NREP: variants seen among roughly 807,000 people sequenced by gnomAD.
NREP encodes the protein neuronal regeneration related protein.
A neutral mutation model predicts 8.6 loss-of-function variants in NREP; 5 were observed. That is an observed-to-expected ratio of 0.58 (90% confidence interval 0.30 to 1.22). The LOEUF (loss-of-function observed/expected upper bound fraction) is 1.22. NREP is among the 50% of genes most tolerant of loss of function. NREP has a pLI of 0.07. For synonymous variants in NREP, 27 were observed against 28.0 expected (o/e 0.96, Z 0.11); for missense variants, 86 against 82.5 (o/e 1.04, Z -0.17).
chr5:111,938,481 A>C (rs1186263053), intron 2 of NREP, among the ~76,000 whole-genome samples: 1 of 152,082 alleles, frequency 6.6e-6, no homozygotes, highest in Non-Finnish European at 1.5e-5. Context: ...CTAAAATTTC[A>C]AGATTCATTT....
chr5:111,779,945 A>T (rs557803460), intron 2 of NREP, among the ~76,000 whole-genome samples: 3 of 152,160 alleles, frequency 2.0e-5, no homozygotes, highest in African/African-American at 7.2e-5. Context: ...GCATATTCAT[A>T]ATGTCTGAGG....
chr5:111,839,080 G>C (rs986753294), intron 2 of NREP, among the ~76,000 whole-genome samples: 23 of 152,046 alleles, frequency 1.5e-4, no homozygotes, highest in Non-Finnish European at 2.8e-4. Flanking sequence ...AAATATACAT[G>C]AAATCATAAC....
At chr5:111,813,996 A>C (rs1752327106) in intron 2 of NREP, among the ~76,000 whole-genome samples, 1 of 151,990 alleles carries the variant, frequency 6.6e-6, no homozygotes, top group Admixed American at 6.6e-5. Flanking sequence ...TTTTCTTATG[A>C]AAATTATTTT....
At chr5:111,798,845 G>T (rs1751935281) in intron 2 of NREP, among the ~76,000 whole-genome samples, 1 of 150,880 alleles carries the variant, frequency 6.6e-6, no homozygotes, top group East Asian at 2.0e-4. Context: ...ATTTAAGCTG[G>T]TTCCATATTT....
chr5:111,927,471 G>A (rs566141018), intron 2 of NREP, among the ~76,000 whole-genome samples: 1 of 152,238 alleles, frequency 6.6e-6, no homozygotes, highest in South Asian at 2.1e-4. Flanking sequence ...GACATGGTGT[G>A]AAAGGAAAGG....
intron 2 of NREP, among the ~76,000 whole-genome samples, chr5:111,879,318 G>A (rs929513596): frequency 1.3e-5 from 2 of 152,130 alleles, no homozygotes; most frequent in Non-Finnish European, 1.5e-5. Context: ...AAAAATGGAC[G>A]AACACAGTGT....
Position 111,730,894 on chromosome 5 carries a change from T to C in NREP, c.*27A>G. On this transcript the variant is annotated 3_prime_UTR_variant, in exon 4 of 4. Transcript: ENST00000257435. ...TGACCTCATCAATACCCATACACCA[T>C]ATGTAATACAAATGGAGGTGTTACG... 6.2e-7 allele frequency: 1 copy of C among 1,613,182 alleles called. No homozygotes were observed. Among genetic ancestry groups the C allele is most frequent in the Non-Finnish European group, 8.5e-7 (1 of 1,179,470 alleles).
At chr5:111,879,184 C>A (rs572696430) in intron 2 of NREP, among the ~76,000 whole-genome samples, 40 of 152,324 alleles carry the variant, frequency 2.6e-4, no homozygotes, top group South Asian at 6.2e-4. Context: ...CTGGCTCCCC[C>A]CTTTTGCCTA....
chr5:111,783,778 C>G (rs1751548177), intron 2 of NREP, among the ~76,000 whole-genome samples: 1 of 152,164 alleles, frequency 6.6e-6, no homozygotes, highest in Non-Finnish European at 1.5e-5. Flanking sequence ...TTGTAAATAT[C>G]TGTCTGCCTT....
intron 2 of NREP, among the ~76,000 whole-genome samples, chr5:111,776,978 T>C (rs1210844350): frequency 1.0e-5 from 1 of 97,708 alleles, no homozygotes; most frequent in Non-Finnish European, 1.9e-5. Flanking sequence ...GAAGGAAAAA[T>C]AAGAAAAAGG....
At chr5:111,825,278 T>C (rs1176550414) in intron 2 of NREP, among the ~76,000 whole-genome samples, 1 of 152,204 alleles carries the variant, frequency 6.6e-6, no homozygotes, top group Non-Finnish European at 1.5e-5. Flanking sequence ...GCAATGTTCA[T>C]ATCAAAGCAA....
At chr5:111,929,013 C>T (rs1242229163) in intron 2 of NREP, among the ~76,000 whole-genome samples, 1 of 151,986 alleles carries the variant, frequency 6.6e-6, no homozygotes, top group South Asian at 2.1e-4. Flanking sequence ...AATAAATGTA[C>T]TTGTTTTATA....
intron 2 of NREP, among the ~76,000 whole-genome samples, chr5:111,883,037 G>A (rs1308224722): frequency 6.6e-6 from 1 of 152,224 alleles, no homozygotes. Flanking sequence ...CTGGCAAATT[G>A]GATGAAGAGT....
At chr5:111,949,910 G>A (rs1581244345) in intron 2 of NREP, among the ~76,000 whole-genome samples, 2 of 151,998 alleles carry the variant, frequency 1.3e-5, no homozygotes, top group Non-Finnish European at 2.9e-5. Context: ...GTGTCTTTAT[G>A]GTAGAATGAT....
chr5:111,831,858 A>C (rs1272419762), intron 2 of NREP, among the ~76,000 whole-genome samples: 1 of 152,166 alleles, frequency 6.6e-6, no homozygotes, highest in East Asian at 1.9e-4. Flanking sequence ...CCTAGAGAAT[A>C]AAAACTTATT....
At chr5:111,872,198 T>C (rs890502639) in intron 2 of NREP, among the ~76,000 whole-genome samples, 3 of 152,070 alleles carry the variant, frequency 2.0e-5, no homozygotes, top group African/African-American at 7.2e-5. Flanking sequence ...ATGGTGTCGT[T>C]CCAGTCCAGA....
At chr5:111,827,345 G>C (rs1328980962) in intron 2 of NREP, among the ~76,000 whole-genome samples, 1 of 152,208 alleles carries the variant, frequency 6.6e-6, no homozygotes, top group Non-Finnish European at 1.5e-5. Flanking sequence ...CAGAAGGGTT[G>C]TTTGGGGCTA....
At chr5:111,829,633 A>G (rs923649776) in intron 2 of NREP, among the ~76,000 whole-genome samples, 1 of 152,204 alleles carries the variant, frequency 6.6e-6, no homozygotes, top group East Asian at 1.9e-4. Context: ...TTGCCTCACA[A>G]TGGATGCACT....
intron 2 of NREP, among the ~76,000 whole-genome samples, chr5:111,795,022 C>T (rs1316683795): frequency 2.7e-5 from 4 of 150,794 alleles, no homozygotes; most frequent in African/African-American, 4.9e-5. Context: ...GAAAAAAAGC[C>T]GGAAAAATGT....
Sources: allele counts gnomAD v4.1 joint callset (sites outside exome capture counted in the v4.1 genomes callset), GRCh38; gene constraint gnomAD v4.1.1; transcripts MANE v1.5; gene names NCBI Gene and HGNC (gene_info 2026-07-23, HGNC 2026-07-21).